DNAH2: variants seen among roughly 807,000 people sequenced by gnomAD.
DNAH2 encodes the protein axonemal beta dynein heavy chain 2.
Under a neutral mutation model 523.5 loss-of-function variants are expected in DNAH2, and 323 were observed. That is an observed-to-expected ratio of 0.62 (90% CI 0.56 to 0.68). The LOEUF is 0.68. DNAH2 is among the 30% of genes least tolerant of loss of function. DNAH2 has a pLI of 0.00. For synonymous variants in DNAH2, 2,093 were observed against 2,177.4 expected (o/e 0.96, Z 1.08); for missense variants, 4,907 against 5,701.5 (o/e 0.86, Z 4.49).
chr17:7,822,164 T>A (rs948479057), intron 73 of DNAH2, among the ~76,000 whole-genome samples: 1 of 152,116 alleles, frequency 6.6e-6, no homozygotes, highest in East Asian at 1.9e-4. Context: ...AGAGGCGGGG[T>A]CCCACCATGT....
chr17:7,745,498 T>A (rs901688523), intron 12 of DNAH2, among the ~76,000 whole-genome samples: 1 of 152,062 alleles, frequency 6.6e-6, no homozygotes, highest in African/African-American at 2.4e-5. Flanking sequence ...ACCCCTGAAC[T>A]TGAAATAAAA....
At position 7,818,327 on chromosome 17, in the gene DNAH2, T is replaced by C; in HGVS notation, c.10403T>C (p.Met3468Thr). 6.2e-7 allele frequency: 1 copy of C among 1,614,132 alleles called. No individual in the cohort carries two copies. Among genetic ancestry groups the C allele is most frequent in the South Asian group, 1.1e-5 (1 of 91,070 alleles). Residue 3468 changes from methionine (M) to threonine (T), a missense_variant, in exon 69 of 86, where the codon ATG (methionine) becomes ACG (threonine). Around this residue, in one of 3 missense-constraint regions of DNAH2, gnomAD observed 1,851 missense variants for 2,139.4 expected, o/e 0.87. Coordinates refer to ENST00000572933, the MANE Select transcript of DNAH2 (RefSeq NM_020877.5). ...SVARIGGRLL[M>T]RIGDKEVEYN... Reference sequence around the variant, plus strand: ...GTGGATGCAGGTGGTCGGCTGTTGATGCGCATTGGCGATAAGGAGGTGGAA... The same window carrying C: ...GTGGATGCAGGTGGTCGGCTGTTGACGCGCATTGGCGATAAGGAGGTGGAA...
At chr17:7,748,407 C>A (rs1441862301) in intron 12 of DNAH2, among the ~76,000 whole-genome samples, 1 of 152,218 alleles carries the variant, frequency 6.6e-6, no homozygotes, top group African/African-American at 2.4e-5. Flanking sequence ...CTCAATTCCT[C>A]TGGCTTTCCT....
chr17:7,740,071 G>GGT (rs1555539924), intron 9 of DNAH2, 133 bp downstream of exon 9: 19 of 694,240 alleles, frequency 2.7e-5, no homozygotes, highest in Non-Finnish European at 4.1e-5. Context: ...TGGCCCGGGG[G>GGT]GGGGGACAGG....
chr17:7,819,904 T>G (rs1005740314), intron 72 of DNAH2, among the ~76,000 whole-genome samples: 1 of 152,204 alleles, frequency 6.6e-6, no homozygotes, highest in African/African-American at 2.4e-5. Flanking sequence ...TTCAGGGTCC[T>G]CATCCTTGGA....
At chr17:7,802,828 T>C (rs921979054) in intron 58 of DNAH2, among the ~76,000 whole-genome samples, 4 of 105,686 alleles carry the variant, frequency 3.8e-5, no homozygotes, top group Non-Finnish European at 6.6e-5. Context: ...CATGCCCAGC[T>C]ATTTTTTTTT....
intron 59 of DNAH2, 69 bp downstream of exon 59, chr17:7,804,535 T>C: frequency 6.5e-7 from 1 of 1,529,220 alleles, no homozygotes; most frequent in Non-Finnish European, 8.9e-7. Context: ...AGGGAACCCA[T>C]GTTCCCCCCT....
intron 33 of DNAH2, among the ~76,000 whole-genome samples, 188 bp downstream of exon 33, chr17:7,777,822 C>T (rs1228711723): frequency 6.6e-6 from 1 of 152,226 alleles, no homozygotes; most frequent in Non-Finnish European, 1.5e-5. Context: ...CCAGTCAGGG[C>T]TCACTATGAA....
intron 9 of DNAH2, 59 bp from the exon 10 acceptor site, chr17:7,740,361 G>T (rs980611873): frequency 6.2e-7 from 1 of 1,602,866 alleles, no homozygotes; most frequent in Non-Finnish European, 8.5e-7. Context: ...CTTCCTCAGG[G>T]GTTGGAGTTG....
At position 7,798,595 on chromosome 17, in the gene DNAH2, C is replaced by G; in HGVS notation, c.8436C>G (p.Leu2812=). The G allele has an allele frequency of 6.2e-7, 1 of 1,614,130 alleles. No individual in the cohort carries two copies. ...KRLYRQAGVE[L]KTTSFIFVDT... is the part of the protein sequence containing the mutation. ...TGTATCGCCAGGCTGGGGTGGAGCTCAAGACCACGTCCTTCATTTTTGTGG... is the reference window on the plus strand; with the variant it reads ...TGTATCGCCAGGCTGGGGTGGAGCTGAAGACCACGTCCTTCATTTTTGTGG... Residue 2812 remains leucine, a synonymous_variant, in exon 55 of 86, where the codon CTC becomes CTG. Transcript: ENST00000572933. The surrounding 1 kb of genome is among the most constrained non-coding windows in gnomAD (Gnocchi z 5.5).
chr17:7,826,128 T>A (rs929491078), intron 77 of DNAH2, among the ~76,000 whole-genome samples: 3 of 152,222 alleles, frequency 2.0e-5, no homozygotes, highest in Non-Finnish European at 4.4e-5. Flanking sequence ...CAAGCAGTTC[T>A]CCTACCTCAG....
intron 6 of DNAH2, 65 bp downstream of exon 6, chr17:7,734,358 A>T: frequency 2.3e-5 from 37 of 1,602,362 alleles, no homozygotes; most frequent in Non-Finnish European, 3.2e-5. Flanking sequence ...GGAGGCTCGG[A>T]TGCTGACAAT....
intron 77 of DNAH2, among the ~76,000 whole-genome samples, chr17:7,824,986 C>A (rs2077979679): frequency 1.3e-5 from 2 of 152,194 alleles, no homozygotes; most frequent in Admixed American, 1.3e-4. Flanking sequence ...TGTGCACACA[C>A]ACACCCTATA....
In DNAH2 at chr17:7,807,638, A is replaced by T. The variant is rs2077404107; in HGVS notation, c.9729+52A>T. 6.7e-7 allele frequency: 1 copy of T among 1,498,428 alleles called. No individual in the cohort carries two copies. The highest frequency in any genetic ancestry group is 9.2e-7 in the Non-Finnish European group (1 of 1,085,816). The allele number at this position is 1,498,428 out of a possible 1,614,324, so 92.8% of individuals were successfully genotyped here. On this transcript the variant is annotated intron_variant, in intron 63 of 85. Transcript: ENST00000572933. The surrounding 1 kb of genome is among the most constrained non-coding windows in gnomAD (Gnocchi z 5.6). ...GGAGGTCCCTCTCCCTGAGTTCTGG[A>T]TTGCTTCATTAAGCATTTGTTTTCC...
At position 7,771,562 on chromosome 17, in the gene DNAH2, C is replaced by T. The variant is rs138698203; in HGVS notation, c.4501+94C>T. 9.1e-5 allele frequency: 125 copies of T among 1,368,820 alleles called. No individual in the cohort carries two copies. In the African/African-American group the frequency reaches 1.6e-3, roughly 18 times the overall value. The allele number at this position is 1,368,820 out of a possible 1,614,324, so 84.8% of individuals were successfully genotyped here. On this transcript the variant is annotated intron_variant, in intron 28 of 85. Transcript: ENST00000572933. Reference sequence around the variant, plus strand: ...TTCATTTATTAAAAAGACTGATGCCCCCAGCTCTCCTAACATTTCCCATCT... The same window carrying T: ...TTCATTTATTAAAAAGACTGATGCCTCCAGCTCTCCTAACATTTCCCATCT...
intron 67 of DNAH2, 21 bp downstream of exon 67, chr17:7,817,877 G>A (rs1477705157): frequency 9.9e-6 from 16 of 1,609,952 alleles, no homozygotes; most frequent in Non-Finnish European, 1.2e-5. Flanking sequence ...GGGGGGTCAG[G>A]TTAGCCCCCC....
intron 22 of DNAH2, among the ~76,000 whole-genome samples, chr17:7,767,645 G>A (rs931447375): frequency 2.0e-5 from 3 of 150,654 alleles, no homozygotes; most frequent in Non-Finnish European, 2.9e-5. Flanking sequence ...CCATCCTAGC[G>A]GGTGTGAAGT....
chr17:7,788,417 T>C (rs1433357999), intron 44 of DNAH2, among the ~76,000 whole-genome samples, 173 bp downstream of exon 44: 2 of 152,134 alleles, frequency 1.3e-5, no homozygotes, highest in African/African-American at 4.8e-5. Flanking sequence ...TGTGTGTGCA[T>C]GTCTGTGTGT....
In DNAH2 at chr17:7,754,964, C is replaced by CAT; in HGVS notation, c.1905-2126_1905-2125insTA. ...GCTATTGGTACAAATAAGCCTGAGG[C>CAT]AGAAAAAAAAAAAAAAAGAATAGGC... On this transcript the variant is annotated intron_variant, in intron 12 of 85. Transcript: ENST00000572933. This position sits in a 1 kb window ranked among gnomAD's most constrained non-coding sequence, Gnocchi z 4.6. 19 of 314,496 alleles carry CAT rather than the reference C, an allele frequency of 6.0e-5. No homozygotes were observed. The highest frequency in any genetic ancestry group is 7.8e-5 in the Non-Finnish European group (14 of 178,966). 19.5% of individuals were successfully genotyped at this position (314,496 alleles called of 1,614,324 possible).
Sources: gnomAD v4.1 joint callset for allele counts (sites outside exome capture counted in the v4.1 genomes callset) on GRCh38, gnomAD v4.1.1 for gene constraint, gnomAD v4.1.1 regional missense constraint, Gnocchi (gnomAD v3.1) non-coding constraint, MANE v1.5 for transcripts, NCBI Gene and HGNC (gene_info 2026-07-23, HGNC 2026-07-21) for gene names.